GRIP1: variants seen among roughly 807,000 people sequenced by gnomAD.
GRIP1 encodes the protein glutamate receptor-interacting protein 1.
Under a neutral mutation model 129.9 loss-of-function variants are expected in GRIP1, and 45 were observed. The ratio of observed to expected loss-of-function variants is 0.35; its 90% CI spans 0.27 to 0.44. The LOEUF (loss-of-function observed/expected upper bound fraction) is 0.44. Ranked by LOEUF, GRIP1 falls within the 20% of genes least tolerant of loss-of-function variation. The pLI is 1.00. For missense variants in GRIP1, 1,196 were observed against 1,396.8 expected (o/e 0.86, Z 2.29); for synonymous variants, 530 against 520.8 (o/e 1.02, Z -0.24).
intron 1 of GRIP1, among the ~76,000 whole-genome samples, chr12:66,795,585 T>C (rs1194621067): frequency 6.6e-6 from 1 of 152,200 alleles, no homozygotes; most frequent in Non-Finnish European, 1.5e-5. Context: ...TCCAATCCTC[T>C]GAATCATATT....
At chr12:66,593,006 C>G (rs1384918501) in intron 2 of GRIP1, among the ~76,000 whole-genome samples, 1 of 152,112 alleles carries the variant, frequency 6.6e-6, no homozygotes, top group African/African-American at 2.4e-5. Flanking sequence ...TATTTTTAAT[C>G]AAATATTAAG....
intron 1 of GRIP1, among the ~76,000 whole-genome samples, chr12:66,822,829 C>T (rs746924497): frequency 9.2e-5 from 14 of 151,906 alleles, no homozygotes; most frequent in African/African-American, 1.9e-4. Flanking sequence ...AGGATGGAAA[C>T]GGGGGAGGAG....
intron 11 of GRIP1, among the ~76,000 whole-genome samples, chr12:66,452,078 C>T (rs76899535): frequency 6.6e-6 from 1 of 152,234 alleles, no homozygotes; most frequent in Non-Finnish European, 1.5e-5. Context: ...AACTTCTACT[C>T]TTTGCCGCAA....
chr12:66,679,025 T>C lies in GRIP1; in HGVS notation c.-121A>G. On this transcript the variant is annotated 5_prime_UTR_variant, in exon 1 of 25. Transcript: ENST00000359742. ...GGAGAAAGGTAGTCCCAGTGGGGAG[T>C]GACAAAGCTTAATTCCTCTTGGCTG... 6.4e-7 allele frequency: 1 copy of C among 1,566,872 alleles called. No homozygotes were observed.
chr12:66,616,644 G>A (rs556106822), intron 1 of GRIP1, among the ~76,000 whole-genome samples: 44 of 152,160 alleles, frequency 2.9e-4, no homozygotes, highest in African/African-American at 9.6e-4. Flanking sequence ...GGGGGATGGG[G>A]AGATCTTAGC....
chr12:66,823,341 C>T (rs2039353698), intron 1 of GRIP1, among the ~76,000 whole-genome samples: 1 of 152,070 alleles, frequency 6.6e-6, no homozygotes, highest in African/African-American at 2.4e-5. Context: ...TCTCAAGTTG[C>T]TGCCTTTGTA....
intron 1 of GRIP1, 102 bp downstream of exon 1, chr12:66,678,748 T>C (rs748598026): frequency 4.7e-6 from 5 of 1,059,022 alleles, no homozygotes; most frequent in Non-Finnish European, 7.3e-6. Flanking sequence ...TGCCTGACAA[T>C]AAATTGCAAA....
At chr12:66,838,817 G>A (rs1287587761) in intron 1 of GRIP1, among the ~76,000 whole-genome samples, 2 of 152,206 alleles carry the variant, frequency 1.3e-5, no homozygotes, top group Admixed American at 1.3e-4. Flanking sequence ...AAGGATGACA[G>A]AATAGGCACA....
chr12:66,883,104 C>A (rs1013084299), intron 1 of GRIP1, among the ~76,000 whole-genome samples: 10 of 152,140 alleles, frequency 6.6e-5, no homozygotes, highest in African/African-American at 2.4e-4. Context: ...TCCATCCTCA[C>A]AGCAACAGCC....
intron 5 of GRIP1, among the ~76,000 whole-genome samples, chr12:66,521,889 G>A (rs1240400349): frequency 6.6e-6 from 1 of 152,204 alleles, no homozygotes; most frequent in African/African-American, 2.4e-5. Context: ...TACGCCCATG[G>A]AGTCTCGCTG....
At chr12:66,531,250 AAAATAT>A (rs1348793595) in intron 4 of GRIP1, among the ~76,000 whole-genome samples, 79 of 35,002 alleles carry the variant, frequency 2.3e-3, no homozygotes, top group Admixed American at 4.0e-3. Context: ...AAAAAAAAAA[AAAATAT>A]ATATATATAT....
At chr12:66,601,286 G>T (rs2064263523) in intron 1 of GRIP1, among the ~76,000 whole-genome samples, 1 of 152,170 alleles carries the variant, frequency 6.6e-6, no homozygotes, top group South Asian at 2.1e-4. Flanking sequence ...GGCACCTAAG[G>T]AGCAATGCTT....
At chr12:66,987,505 G>C (rs2042329290) in intron 1 of GRIP1, among the ~76,000 whole-genome samples, 1 of 152,148 alleles carries the variant, frequency 6.6e-6, no homozygotes, top group Non-Finnish European at 1.5e-5. Flanking sequence ...GCTGTCTGGA[G>C]AACAAGAGTG....
intron 7 of GRIP1, among the ~76,000 whole-genome samples, chr12:66,504,478 T>A (rs777663416): frequency 1.3e-5 from 2 of 152,162 alleles, no homozygotes; most frequent in Non-Finnish European, 2.9e-5. Flanking sequence ...TAAGTGGGTG[T>A]GGGATGGTAA....
At chr12:66,462,455 C>T (rs1275594509) in intron 9 of GRIP1, among the ~76,000 whole-genome samples, 1 of 152,070 alleles carries the variant, frequency 6.6e-6, no homozygotes, top group Non-Finnish European at 1.5e-5. Flanking sequence ...GCACCAAAGA[C>T]TTTTTTAAGA....
intron 5 of GRIP1, among the ~76,000 whole-genome samples, chr12:66,519,897 C>T (rs1030954141): frequency 6.6e-6 from 1 of 152,206 alleles, no homozygotes; most frequent in Non-Finnish European, 1.5e-5. Flanking sequence ...AGTGCCTTTC[C>T]TATCAGTCCA....
chr12:66,875,503 T>G (rs1433992863), intron 1 of GRIP1, among the ~76,000 whole-genome samples: 1 of 152,088 alleles, frequency 6.6e-6, no homozygotes, highest in East Asian at 1.9e-4. Context: ...ACAGGCTGCT[T>G]CACAAACATC....
intron 1 of GRIP1, among the ~76,000 whole-genome samples, chr12:66,836,953 C>T (rs549695173): frequency 6.6e-6 from 1 of 152,270 alleles, no homozygotes; most frequent in South Asian, 2.1e-4. Context: ...TTTTTTCCCT[C>T]TTCAAAGCTT....
intron 2 of GRIP1, among the ~76,000 whole-genome samples, chr12:66,547,166 C>G (rs1477192527): frequency 6.6e-6 from 1 of 152,034 alleles, no homozygotes; most frequent in Non-Finnish European, 1.5e-5. Context: ...CGAAAAAATG[C>G]TCAACATTTT....
Sources: gnomAD v4.1 joint callset for allele counts (sites outside exome capture counted in the v4.1 genomes callset) on GRCh38, gnomAD v4.1.1 for gene constraint, MANE v1.5 for transcripts, NCBI Gene and HGNC (gene_info 2026-07-23, HGNC 2026-07-21) for gene names.